Variants in DAB1 observed in about 807,000 individuals in gnomAD.
DAB1 encodes the protein disabled homolog 1.
A neutral mutation model predicts 64.6 loss-of-function variants in DAB1; 15 were observed. The ratio of observed to expected loss-of-function variants is 0.23; its 90% CI spans 0.16 to 0.36. The LOEUF (loss-of-function observed/expected upper bound fraction) is 0.36, where lower values mean the gene tolerates loss of function less well. Ranked by LOEUF, DAB1 falls within the 10% of genes least tolerant of loss-of-function variation. The pLI, the probability that DAB1 is intolerant of heterozygous loss-of-function variation, is 1.00. For synonymous variants in DAB1, 235 were observed against 251.9 expected, an observed-to-expected ratio of 0.93 and a Z score of 0.64; for missense variants, 596 against 706.7, an observed-to-expected ratio of 0.84 and a Z score of 1.78.
chr1:57,012,581 A>G (rs1646297318), intron 12 of DAB1, among the ~76,000 whole-genome samples: 1 of 152,226 alleles, frequency 6.6e-6, no homozygotes, highest in South Asian at 2.1e-4. Context: ...TTAAGGGGAT[A>G]CTGATGGGTC....
At chr1:57,224,177 C>T (rs980454559) in intron 2 of DAB1, among the ~76,000 whole-genome samples, 2 of 152,198 alleles carry the variant, frequency 1.3e-5, no homozygotes, top group African/African-American at 4.8e-5. Context: ...TGGAACACAA[C>T]AGTGGCTCAA....
At chr1:57,142,629 C>CACACACACACAT (rs1286082605) in intron 3 of DAB1, among the ~76,000 whole-genome samples, 1 of 139,850 alleles carries the variant, frequency 7.2e-6, no homozygotes, top group Non-Finnish European at 1.5e-5. Context: ...CACACACACA[C>CACACACACACAT]ATACACACAC....
At chr1:57,757,311 T>A (rs1648863576) in intron 6 of DAB1, among the ~76,000 whole-genome samples, 1 of 151,144 alleles carries the variant, frequency 6.6e-6, no homozygotes, top group African/African-American at 2.4e-5. Context: ...CGGTGTGACT[T>A]TAGGCAATGT....
At chr1:58,347,505 G>C (rs1644012865) in intron 3 of DAB1, among the ~76,000 whole-genome samples, 1 of 152,164 alleles carries the variant, frequency 6.6e-6, no homozygotes, top group Non-Finnish European at 1.5e-5. Context: ...AAAAATGCCT[G>C]AGCCACCTGG....
chr1:57,188,263 C>T (rs750400305), intron 2 of DAB1, among the ~76,000 whole-genome samples: 1 of 152,106 alleles, frequency 6.6e-6, no homozygotes, highest in Non-Finnish European at 1.5e-5. Context: ...ACTCACCTCA[C>T]AATTAATTTA....
intron 5 of DAB1, among the ~76,000 whole-genome samples, chr1:57,939,607 C>A (rs1456489108): frequency 1.3e-5 from 2 of 152,202 alleles, no homozygotes; most frequent in Non-Finnish European, 2.9e-5. Context: ...TCCCAGAAAT[C>A]TTAACAATCC....
chr1:58,143,933 G>C (rs193289825), intron 5 of DAB1, among the ~76,000 whole-genome samples: 1 of 152,158 alleles, frequency 6.6e-6, no homozygotes, highest in African/African-American at 2.4e-5. Flanking sequence ...ATGATGTCTT[G>C]TCAGAGCATT....
At chr1:58,469,875 T>A (rs1006238578) in intron 3 of DAB1, among the ~76,000 whole-genome samples, 1 of 152,130 alleles carries the variant, frequency 6.6e-6, no homozygotes, top group Non-Finnish European at 1.5e-5. Context: ...AGAGAATTTT[T>A]AAAAATAAAT....
At chr1:57,953,514 G>A (rs1275005301) in intron 5 of DAB1, among the ~76,000 whole-genome samples, 1 of 152,080 alleles carries the variant, frequency 6.6e-6, no homozygotes, top group African/African-American at 2.4e-5. Context: ...TTCTTTTAAG[G>A]TGTCCCATTT....
intron 2 of DAB1, among the ~76,000 whole-genome samples, chr1:57,216,066 T>C (rs1025364794): frequency 1.3e-5 from 2 of 152,140 alleles, no homozygotes; most frequent in Admixed American, 1.3e-4. Context: ...GCTTGCTCTT[T>C]GCTTTCTACA....
chr1:57,143,300 CCAGGCCAGCATTTAT>C, intron 3 of DAB1, among the ~76,000 whole-genome samples: 1 of 152,284 alleles, frequency 6.6e-6, no homozygotes, highest in East Asian at 1.9e-4. Context: ...GTCACATCCT[CCAGGCCAGCATTTAT>C]CAGTCAGAAA....
chr1:57,345,673 A>T (rs1181375983), intron 1 of DAB1, among the ~76,000 whole-genome samples: 1 of 152,210 alleles, frequency 6.6e-6, no homozygotes, highest in Non-Finnish European at 1.5e-5. Context: ...CGGCAGTTCA[A>T]TTTTAAGGCA....
At chr1:57,260,215 A>C (rs1670078800) in intron 2 of DAB1, among the ~76,000 whole-genome samples, 1 of 152,176 alleles carries the variant, frequency 6.6e-6, no homozygotes, top group Non-Finnish European at 1.5e-5. Context: ...AGAGCATGAC[A>C]CAGTCTCTAG....
intron 3 of DAB1, among the ~76,000 whole-genome samples, chr1:58,466,010 T>C (rs1645292202): frequency 6.6e-6 from 1 of 152,088 alleles, no homozygotes; most frequent in African/African-American, 2.4e-5. Context: ...GGGAGTGTGG[T>C]GGCCATGGAG....
chr1:58,008,547 A>C (rs1340896970), intron 5 of DAB1, among the ~76,000 whole-genome samples: 1 of 152,162 alleles, frequency 6.6e-6, no homozygotes, highest in Non-Finnish European at 1.5e-5. Flanking sequence ...AAAAGCTGGA[A>C]ATCATGGATA....
chr1:58,523,696 G>A (rs893172050), intron 2 of DAB1, among the ~76,000 whole-genome samples: 3 of 152,072 alleles, frequency 2.0e-5, no homozygotes, highest in African/African-American at 7.2e-5. Flanking sequence ...TCAGGAGATC[G>A]AGACCATCCT....
At chr1:58,046,053 G>A (rs989194010) in intron 5 of DAB1, among the ~76,000 whole-genome samples, 1 of 151,624 alleles carries the variant, frequency 6.6e-6, no homozygotes, top group African/African-American at 2.4e-5. Context: ...TAAGGTATAT[G>A]GGCACATAAC....
At chr1:57,046,201 G>A (rs1648464246) in intron 9 of DAB1, among the ~76,000 whole-genome samples, 1 of 152,182 alleles carries the variant, frequency 6.6e-6, no homozygotes, top group African/African-American at 2.4e-5. Context: ...GTTTTTAAAA[G>A]TGTCAAAAAT....
intron 2 of DAB1, among the ~76,000 whole-genome samples, chr1:57,203,313 A>G (rs1407184335): frequency 6.6e-6 from 1 of 152,052 alleles, no homozygotes. Context: ...TTCTCCATTA[A>G]GCTTTGTTTT....
Sources: gnomAD v4.1 joint callset for allele counts (sites outside exome capture counted in the v4.1 genomes callset) on GRCh38, gnomAD v4.1.1 for gene constraint, MANE v1.5 for transcripts, NCBI Gene and HGNC (gene_info 2026-07-23, HGNC 2026-07-21) for gene names.